Variants in MYO1E observed in about 807,000 individuals in gnomAD.
MYO1E encodes the protein unconventional myosin-Ie.
In MYO1E, 68 loss-of-function variants were observed where a neutral mutation model predicts 151.1. That is an observed-to-expected ratio of 0.45 (90% CI 0.37 to 0.55). The LOEUF (loss-of-function observed/expected upper bound fraction) is 0.55, where lower values mean the gene tolerates loss of function less well. Ranked by LOEUF, MYO1E falls within the 20% of genes least tolerant of loss-of-function variation. MYO1E has a pLI of 0.00. For synonymous variants in MYO1E, 601 were observed against 501.7 expected (o/e 1.20, Z -2.64); for missense variants, 1,363 against 1,389.3 (o/e 0.98, Z 0.30).
At chr15:59,370,861 G>C (rs2080940396) in intron 1 of MYO1E, among the ~76,000 whole-genome samples, 2 of 152,020 alleles carry the variant, frequency 1.3e-5, no homozygotes, top group Admixed American at 6.6e-5. Flanking sequence ...AAGAAATATT[G>C]ACCCACGGAA....
chr15:59,356,823 C>G lies in MYO1E; in HGVS notation c.3+15675G>C, dbSNP rs115713105. Among the ~76,000 whole-genome samples, 807 of 152,214 alleles carry G rather than the reference C, an allele frequency of 5.3e-3. 10 individuals are homozygous for G. The highest frequency in any genetic ancestry group is 0.019 in the African/African-American group (774 of 41,516). On this transcript the variant is annotated intron_variant, in intron 1 of 27. Coordinates refer to ENST00000288235, the MANE Select transcript of MYO1E (RefSeq NM_004998.4). ...AGCTCAAGGGATCTGCCTCCCTTGGCCTCTTAAAGTGCTGGGATTACAGGC... is the reference window on the plus strand; with the variant it reads ...AGCTCAAGGGATCTGCCTCCCTTGGGCTCTTAAAGTGCTGGGATTACAGGC...
At chr15:59,306,783 C>T (rs1470361978) in intron 1 of MYO1E, among the ~76,000 whole-genome samples, 3 of 152,222 alleles carry the variant, frequency 2.0e-5, no homozygotes, top group Non-Finnish European at 4.4e-5. Context: ...TAGGGACTGA[C>T]ACGTTATCAA....
chr15:59,297,468 G>C (rs1394830158), intron 1 of MYO1E, among the ~76,000 whole-genome samples: 1 of 62,460 alleles, frequency 1.6e-5, no homozygotes, highest in Non-Finnish European at 5.5e-5. Context: ...TTTTAGTAGG[G>C]ATGGGGTTTT....
intron 18 of MYO1E, among the ~76,000 whole-genome samples, chr15:59,181,315 A>G (rs2079657224): frequency 6.6e-6 from 1 of 152,212 alleles, no homozygotes. Context: ...TGTTTCTACC[A>G]CATTCTTCCT....
At chr15:59,266,608 T>G (rs2080255117) in intron 2 of MYO1E, 1 of 150,214 alleles carries the variant, frequency 6.7e-6, no homozygotes, top group African/African-American at 2.5e-5. Flanking sequence ...AATATTTTCT[T>G]TTATGAAATG....
At chr15:59,265,636 C>T (rs1208227810) in intron 2 of MYO1E, among the ~76,000 whole-genome samples, 1 of 151,930 alleles carries the variant, frequency 6.6e-6, no homozygotes, top group African/African-American at 2.4e-5. Context: ...GGGGATAATA[C>T]TATTTGGGAA....
At chr15:59,151,041 ACACACACACG>A (rs1326962070) in intron 26 of MYO1E, among the ~76,000 whole-genome samples, 2 of 92,774 alleles carry the variant, frequency 2.2e-5, no homozygotes, top group Non-Finnish European at 2.1e-5. Flanking sequence ...ACACACACAC[ACACACACACG>A]CGCGCGCGCG....
At chr15:59,312,858 A>AAAT (rs35710505) in intron 1 of MYO1E, among the ~76,000 whole-genome samples, 18,839 of 150,518 alleles carry the variant, frequency 0.13, 1,576 homozygotes, top group East Asian at 0.43. Context: ...ACTCTACTAA[A>AAAT]AATAATAATA....
intron 20 of MYO1E, 51 bp downstream of exon 20, chr15:59,174,075 A>C: frequency 6.5e-7 from 1 of 1,546,780 alleles, no homozygotes; most frequent in Non-Finnish European, 8.9e-7. Flanking sequence ...CTTAAGCTCC[A>C]ATTTACTCTT....
chr15:59,160,959 G>C (rs2079534698), intron 24 of MYO1E, 114 bp downstream of exon 24: 1 of 1,374,476 alleles, frequency 7.3e-7, no homozygotes, highest in Non-Finnish European at 1.0e-6. Context: ...GCCCCAGCAA[G>C]CAGAAGGTGT....
chr15:59,271,470 C>G (rs1204142267), intron 2 of MYO1E, among the ~76,000 whole-genome samples: 1 of 152,178 alleles, frequency 6.6e-6, no homozygotes, highest in Non-Finnish European at 1.5e-5. Flanking sequence ...CCATGACTAA[C>G]TCTCACAATA....
intron 1 of MYO1E, among the ~76,000 whole-genome samples, chr15:59,317,305 A>T (rs1336655768): frequency 6.6e-6 from 1 of 152,234 alleles, no homozygotes; most frequent in Non-Finnish European, 1.5e-5. Flanking sequence ...GTGTATGCTA[A>T]GACATACCCT....
chr15:59,207,272 C>G, intron 14 of MYO1E: 1 of 1,614,124 alleles, frequency 6.2e-7, no homozygotes, highest in Non-Finnish European at 8.5e-7. Flanking sequence ...AAGGGTGAGA[C>G]GATGGATCTT....
Position 59,172,062 on chromosome 15 carries a change from A to G in MYO1E, c.2335-20T>C. The G allele has an allele frequency of 6.2e-7, 1 of 1,612,804 alleles. No individual in the cohort carries two copies. The highest frequency in any genetic ancestry group is 1.1e-5 in the South Asian group (1 of 91,056). ...TACACCCTGTAAGGAGAGGAGCTTTAAGAAGCTGGACAGGCCAGGCATGGT... is the reference window on the plus strand; with the variant it reads ...TACACCCTGTAAGGAGAGGAGCTTTGAGAAGCTGGACAGGCCAGGCATGGT... On this transcript the variant is annotated intron_variant, in intron 21 of 27. Coordinates refer to ENST00000288235, the MANE Select transcript of MYO1E (RefSeq NM_004998.4).
intron 1 of MYO1E, among the ~76,000 whole-genome samples, chr15:59,314,885 G>C (rs1236431371): frequency 6.6e-6 from 1 of 152,258 alleles, no homozygotes; most frequent in South Asian, 2.1e-4. Context: ...CTTCCATCTA[G>C]CTCCAGCCAA....
intron 19 of MYO1E, among the ~76,000 whole-genome samples, chr15:59,177,898 C>T (rs2079634522): frequency 6.6e-6 from 1 of 152,220 alleles, no homozygotes; most frequent in African/African-American, 2.4e-5. Flanking sequence ...CTGGGAATTC[C>T]CACCCGGCAC....
At chr15:59,151,450 C>T (rs1332637266) in intron 26 of MYO1E, among the ~76,000 whole-genome samples, 2 of 151,834 alleles carry the variant, frequency 1.3e-5, no homozygotes, top group South Asian at 2.1e-4. Context: ...AAACCCCCCC[C>T]AAAAAAACCA....
intron 19 of MYO1E, among the ~76,000 whole-genome samples, chr15:59,177,212 C>G (rs1180246842): frequency 4.6e-5 from 7 of 152,066 alleles, no homozygotes; most frequent in Admixed American, 3.9e-4. Context: ...TCTTGTGAAG[C>G]TACAAATAAC....
chr15:59,239,580 A>G (rs775819981), intron 4 of MYO1E, among the ~76,000 whole-genome samples: 2 of 152,220 alleles, frequency 1.3e-5, no homozygotes, highest in African/African-American at 2.4e-5. Context: ...GTATTCAGAC[A>G]TGAAATATTT....
Sources: gnomAD v4.1 joint callset for allele counts (sites outside exome capture counted in the v4.1 genomes callset) on GRCh38, gnomAD v4.1.1 for gene constraint, MANE v1.5 for transcripts, NCBI Gene and HGNC (gene_info 2026-07-23, HGNC 2026-07-21) for gene names.